Variants in PBX1 observed in about 807,000 individuals in gnomAD.
The protein encoded by PBX1 is pre-B-cell leukemia transcription factor 1.
In PBX1, 6 loss-of-function variants were observed where a neutral mutation model predicts 53.4. The ratio of observed to expected loss-of-function variants is 0.11; its 90% CI spans 0.06 to 0.22. The LOEUF (loss-of-function observed/expected upper bound fraction) is 0.22. PBX1 is among the 10% of genes least tolerant of loss of function. The pLI is 1.00. For missense variants in PBX1, 251 were observed against 551.4 expected (o/e 0.46, Z 5.46); for synonymous variants, 204 against 212.3 (o/e 0.96, Z 0.34).
chr1:164,571,871 T>TTGTATGTA (rs1215844246), intron 2 of PBX1, among the ~76,000 whole-genome samples: 1 of 59,962 alleles, frequency 1.7e-5, no homozygotes, highest in African/African-American at 6.3e-5. Flanking sequence ...AATCTGTACA[T>TTGTATGTA]TGTATATATA....
At chr1:164,644,622 G>T (rs1055044900) in intron 2 of PBX1, among the ~76,000 whole-genome samples, 16 of 152,082 alleles carry the variant, frequency 1.1e-4, no homozygotes, top group African/African-American at 3.9e-4. Flanking sequence ...AAGAAGGATG[G>T]ATTAAAAAAT....
At chr1:164,819,222 A>G (rs1189837753) in intron 6 of PBX1, 1 of 152,216 alleles carries the variant, frequency 6.6e-6, no homozygotes, top group African/African-American at 2.4e-5. Context: ...GGGTGGTGCC[A>G]GGATGGACCT....
rs201494347 is a variant in PBX1 at position 164,656,684 on chromosome 1, AC to A, written c.265+93375del. 5.3e-5 allele frequency among the ~76,000 whole-genome samples: 8 copies of A among 152,254 alleles called. No homozygotes were observed. The South Asian group carries it at 8.3e-4, about 16-fold the overall frequency. On this transcript the variant is annotated intron_variant, in intron 2 of 8. Transcript: ENST00000420696. ...TAGAGGAAAGTGACGGAAAAAAAAA[AC>A]CTTCTTAATGTGAAATAGAAAGTAT... is the stretch of plus-strand genomic sequence containing the variant.
In PBX1 at chr1:164,843,099, A is replaced by C. The variant is rs1188805236; in HGVS notation, c.1201-3485A>C. On this transcript the variant is annotated intron_variant, in intron 8 of 8. Coordinates refer to ENST00000420696, the MANE Select transcript of PBX1 (RefSeq NM_002585.4). Reference sequence around the variant, plus strand: ...TTTCCCAAGACGGTGCAGCCTCTGAACGTCTTCCATCACAGCTAGAATGAT... The same window carrying C: ...TTTCCCAAGACGGTGCAGCCTCTGACCGTCTTCCATCACAGCTAGAATGAT... Among the ~76,000 whole-genome samples, 4 of 152,224 alleles carry C rather than the reference A, an allele frequency of 2.6e-5. No homozygotes were observed. In the East Asian group the frequency reaches 7.7e-4, roughly 29 times the overall value.
chr1:164,604,177 G>A (rs1656395734), intron 2 of PBX1, among the ~76,000 whole-genome samples: 1 of 152,014 alleles, frequency 6.6e-6, no homozygotes, highest in Non-Finnish European at 1.5e-5. Flanking sequence ...CTGAGCTCAG[G>A]CAATCCGCCT....
At chr1:164,625,646 C>T (rs1159740389) in intron 2 of PBX1, among the ~76,000 whole-genome samples, 4 of 152,028 alleles carry the variant, frequency 2.6e-5, no homozygotes, top group Non-Finnish European at 4.4e-5. Context: ...CTCACTGAGT[C>T]GTTTGAAATT....
intron 5 of PBX1, among the ~76,000 whole-genome samples, chr1:164,811,774 G>A (rs1057156819): frequency 2.0e-5 from 3 of 152,104 alleles, no homozygotes; most frequent in Admixed American, 1.3e-4. Context: ...CAGTGGTTTC[G>A]CTAAATTTCA....
intron 2 of PBX1, among the ~76,000 whole-genome samples, chr1:164,606,532 C>T (rs1029270868): frequency 1.3e-5 from 2 of 152,172 alleles, no homozygotes; most frequent in African/African-American, 2.4e-5. Flanking sequence ...GCTGAGGTAG[C>T]GCCGCTGCAC....
intron 2 of PBX1, among the ~76,000 whole-genome samples, chr1:164,576,496 T>C (rs1654249562): frequency 6.6e-6 from 1 of 152,176 alleles, no homozygotes; most frequent in Non-Finnish European, 1.5e-5. Context: ...GACTCTGCCC[T>C]TGAGTTCCCA....
chr1:164,712,599 G>A (rs1446646287), intron 2 of PBX1, among the ~76,000 whole-genome samples: 2 of 152,180 alleles, frequency 1.3e-5, no homozygotes, highest in East Asian at 1.9e-4. Flanking sequence ...GGATAGTAAT[G>A]TGTGCCCCCT....
chr1:164,824,358 ATCTC>A (rs1400979131), intron 8 of PBX1, among the ~76,000 whole-genome samples: 1 of 152,194 alleles, frequency 6.6e-6, no homozygotes, highest in Non-Finnish European at 1.5e-5. Context: ...CAAATATTGA[ATCTC>A]TCTTCTAGAA....
intron 2 of PBX1, among the ~76,000 whole-genome samples, chr1:164,864,592 G>A (rs536595359): frequency 6.6e-6 from 1 of 152,236 alleles, no homozygotes; most frequent in South Asian, 2.1e-4. Context: ...AGGGATGGCA[G>A]CCACCAGAGC....
chr1:164,637,418 C>T (rs998302018), intron 2 of PBX1, among the ~76,000 whole-genome samples: 3 of 152,278 alleles, frequency 2.0e-5, no homozygotes, highest in Middle Eastern at 3.4e-3. Flanking sequence ...GCTGGTCGGA[C>T]GGTGGCTGAG....
At chr1:164,628,243 T>TC (rs1253057300) in intron 2 of PBX1, among the ~76,000 whole-genome samples, 1 of 152,252 alleles carries the variant, frequency 6.6e-6, no homozygotes, top group Non-Finnish European at 1.5e-5. Flanking sequence ...TGTAGTCATC[T>TC]AATGAGACTA....
chr1:164,751,774 G>T (rs1017103838), intron 2 of PBX1, among the ~76,000 whole-genome samples: 15 of 151,434 alleles, frequency 9.9e-5, no homozygotes, highest in Non-Finnish European at 1.8e-4. Context: ...TAGAGGCAGG[G>T]TTTCACCATG....
chr1:164,807,724 G>A lies in PBX1; in HGVS notation c.837+47G>A, dbSNP rs199914950. The A allele has an allele frequency of 6.4e-4, 1,021 of 1,602,634 alleles. 2 individuals are homozygous for A. The highest frequency in any genetic ancestry group is 1.2e-3 in the Middle Eastern group (7 of 5,978). On this transcript the variant is annotated intron_variant, in intron 5 of 8. Coordinates refer to ENST00000420696, the MANE Select transcript of PBX1 (RefSeq NM_002585.4). ...TCAGCCTGTAGCCTGGCCATGGCGG[G>A]GCCTCCGGGGCAGGCTCTTAGAGGT...
intron 2 of PBX1, among the ~76,000 whole-genome samples, chr1:164,718,548 T>A (rs1027012976): frequency 2.6e-5 from 4 of 152,192 alleles, no homozygotes; most frequent in African/African-American, 9.6e-5. Flanking sequence ...AATGGTTCTG[T>A]GGAATCACTG....
At chr1:164,792,125 C>G (rs979060876) in intron 2 of PBX1, among the ~76,000 whole-genome samples, 4 of 152,178 alleles carry the variant, frequency 2.6e-5, no homozygotes, top group Non-Finnish European at 5.9e-5. Context: ...TTTAAGTGTA[C>G]AGTTGAGTAT....
chr1:164,685,916 T>A (rs912477845), intron 2 of PBX1, among the ~76,000 whole-genome samples: 1 of 152,156 alleles, frequency 6.6e-6, no homozygotes, highest in Non-Finnish European at 1.5e-5. Flanking sequence ...CAGCTTCTGC[T>A]GGAGAACATT....
Sources: gnomAD v4.1 joint callset for allele counts (sites outside exome capture counted in the v4.1 genomes callset) on GRCh38, gnomAD v4.1.1 for gene constraint, MANE v1.5 for transcripts, NCBI Gene and HGNC (gene_info 2026-07-23, HGNC 2026-07-21) for gene names.